Variants in NBEAL1 observed in about 807,000 individuals in gnomAD.
NBEAL1 encodes the protein neurobeachin like 1.
Under a neutral mutation model 351.3 loss-of-function variants are expected in NBEAL1, and 273 were observed. The ratio of observed to expected loss-of-function variants is 0.78; its 90% confidence interval spans 0.70 to 0.86. The LOEUF (loss-of-function observed/expected upper bound fraction) is 0.86. NBEAL1 is among the 40% of genes least tolerant of loss of function. The pLI is 0.00. For synonymous variants in NBEAL1, 1,050 were observed against 1,086.4 expected (o/e 0.97, Z 0.66); for missense variants, 2,961 against 3,201.3 (o/e 0.92, Z 1.81).
chr2:203,207,652 T>C (rs1441923931), intron 51 of NBEAL1, among the ~76,000 whole-genome samples: 2 of 152,200 alleles, frequency 1.3e-5, no homozygotes, highest in Non-Finnish European at 2.9e-5. Flanking sequence ...CTGTGTCCAC[T>C]CAGGGTTAAA....
intron 2 of NBEAL1, among the ~76,000 whole-genome samples, chr2:203,017,846 TCTC>T (rs940734414): frequency 1.4e-4 from 22 of 152,176 alleles, no homozygotes; most frequent in Admixed American, 1.3e-3. Context: ...ATGCATCCCT[TCTC>T]CTTTGAAATG....
intron 11 of NBEAL1, among the ~76,000 whole-genome samples, chr2:203,099,206 G>A (rs1307348750): frequency 6.6e-6 from 1 of 151,602 alleles, no homozygotes; most frequent in African/African-American, 2.4e-5. Context: ...AACCTGGGAG[G>A]CGGAGGTTGC....
intron 10 of NBEAL1, among the ~76,000 whole-genome samples, chr2:203,094,946 A>G (rs1472150798): frequency 6.6e-6 from 1 of 151,928 alleles, no homozygotes; most frequent in African/African-American, 2.4e-5. Context: ...ACATGGTGAA[A>G]CCCCATCTCT....
At chr2:203,168,658 G>A (rs750875026) in intron 38 of NBEAL1, among the ~76,000 whole-genome samples, 1 of 152,044 alleles carries the variant, frequency 6.6e-6, no homozygotes, top group Non-Finnish European at 1.5e-5. Flanking sequence ...CACTTTGGGA[G>A]GCCAAGGTGG....
chr2:203,183,594 A>G (rs545415285), intron 44 of NBEAL1, among the ~76,000 whole-genome samples: 6 of 150,080 alleles, frequency 4.0e-5, no homozygotes, highest in Non-Finnish European at 7.4e-5. Context: ...CCATGAATAA[A>G]TATATATATA....
At position 203,084,539 on chromosome 2, in the gene NBEAL1, A is replaced by T. The variant is rs1483154516; in HGVS notation, c.1068A>T (p.Glu356Asp). 4 of 1,541,800 alleles carry T rather than the reference A, an allele frequency of 2.6e-6. No individual in the cohort carries two copies. Among genetic ancestry groups the T allele is most frequent in the Non-Finnish European group, 3.5e-6 (4 of 1,141,616 alleles). Residue 356 changes from glutamate (E) to aspartate (D), a missense_variant, in exon 10 of 56, where the codon GAA (glutamate) becomes GAT (aspartate). Physicochemically the swap from Glu to Asp is conservative, Grantham distance 45. Coordinates refer to ENST00000683969, the MANE Select transcript of NBEAL1 (RefSeq NM_001378026.1). Reference protein sequence around the residue: ...QAIFLNSNCFEHLIRLLQNCK... With the variant: ...QAIFLNSNCFDHLIRLLQNCK... The stretch of plus-strand genomic sequence containing the variant: ...TTTTTCTTAACAGCAATTGCTTTGA[A>T]CATCTCATACGACTGCTACAGAACT...
intron 48 of NBEAL1, 71 bp downstream of exon 48, chr2:203,197,462 A>T (rs529681202): frequency 3.5e-6 from 4 of 1,150,036 alleles, no homozygotes; most frequent in Non-Finnish European, 1.3e-6. Flanking sequence ...AAGAGGAAAT[A>T]AATATTTTTT....
At chr2:203,180,536 T>A (rs2064678926) in intron 43 of NBEAL1, 24 bp downstream of exon 43, 1 of 1,587,732 alleles carries the variant, frequency 6.3e-7, no homozygotes, top group Admixed American at 1.7e-5. Flanking sequence ...GATTAAAAAT[T>A]TGACTAGCAG....
intron 36 of NBEAL1, among the ~76,000 whole-genome samples, chr2:203,159,141 A>G (rs1246533336): frequency 1.3e-5 from 2 of 152,240 alleles, no homozygotes; most frequent in African/African-American, 4.8e-5. Context: ...TAGTATTTCT[A>G]ATAAGGAAGG....
At position 203,041,792 on chromosome 2, in the gene NBEAL1, T is replaced by C; in HGVS notation, c.79T>C (p.Leu27=). 2.6e-6 allele frequency: 4 copies of C among 1,553,868 alleles called. No individual in the cohort carries two copies. The highest frequency in any genetic ancestry group is 3.5e-6 in the Non-Finnish European group (4 of 1,147,468). The change falls in exon 3 of 56, where the codon TTG becomes CTG. Residue 27 remains leucine (L), a synonymous_variant. Coordinates refer to ENST00000683969, the MANE Select transcript of NBEAL1 (RefSeq NM_001378026.1). ...AGATCCAGATTACCTGAAGCTGTGG[T>C]TGGACACTTTTGTTTCTAGCTATGA... The part of the protein sequence containing the change: ...KKDPDYLKLW[L]DTFVSSYEQF...
At chr2:203,043,683 C>T (rs564923980) in intron 3 of NBEAL1, among the ~76,000 whole-genome samples, 4 of 149,332 alleles carry the variant, frequency 2.7e-5, no homozygotes, top group South Asian at 2.1e-4. Flanking sequence ...GTGCTGTGAT[C>T]GTGCCACTGC....
intron 4 of NBEAL1, chr2:203,050,187 C>A (rs541331142): frequency 9.1e-5 from 32 of 353,128 alleles, no homozygotes; most frequent in Admixed American, 7.8e-4. Flanking sequence ...TGTAACAAAC[C>A]TGCACATTCT....
intron 54 of NBEAL1, among the ~76,000 whole-genome samples, chr2:203,211,914 G>T (rs2065798574): frequency 6.6e-6 from 1 of 152,038 alleles, no homozygotes; most frequent in Non-Finnish European, 1.5e-5. Flanking sequence ...TTGAGACCTA[G>T]TCTTGCTCTG....
Position 203,138,668 on chromosome 2 carries a change from T to C in NBEAL1, c.4768T>C (p.Ser1590Pro). The C allele has an allele frequency of 6.2e-7, 1 of 1,613,228 alleles. No homozygotes were observed. ...CTTTGACTGTCTGTCAGTCTGCTAT[T>C]CTGAAAGTCCAGTATGGGTAAAACT... The part of the protein sequence containing the change: ...LLFDCLSVCY[S>P]ESPVWVKLSQ... The change falls in exon 31 of 56, where the codon TCT becomes CCT. Residue 1590 changes from serine to proline, a missense_variant. Coordinates refer to ENST00000683969, the MANE Select transcript of NBEAL1 (RefSeq NM_001378026.1).
intron 34 of NBEAL1, among the ~76,000 whole-genome samples, chr2:203,150,737 A>T (rs1230051110): frequency 6.6e-6 from 1 of 152,054 alleles, no homozygotes; most frequent in Non-Finnish European, 1.5e-5. Context: ...TTGCAATTAT[A>T]TTGCCTTTAT....
chr2:203,130,409 CT>C lies in NBEAL1; in HGVS notation c.3498del (p.Asp1167ThrfsTer8). On this transcript the variant is annotated frameshift_variant, in exon 25 of 56. Transcript: ENST00000683969. LOFTEE classifies it high-confidence loss of function. ...LFLLLFEPGN[A>X]DILYALLLNQ... The stretch of plus-strand genomic sequence containing the variant: ...TTACTGCTTTTTGAACCAGGAAATG[CT>C]GACATACTGTACGCATTGCTCTTAA... 2 of 1,533,138 alleles carry C rather than the reference CT, an allele frequency of 1.3e-6. No individual in the cohort carries two copies. The highest frequency in any genetic ancestry group is 1.8e-6 in the Non-Finnish European group (2 of 1,140,358). The allele number at this position is 1,533,138 out of a possible 1,614,324, so 95.0% of individuals were successfully genotyped here.
chr2:203,201,578 G>A lies in NBEAL1; in HGVS notation c.7274G>A (p.Gly2425Glu), dbSNP rs760475142. ...AGTATAAATGGTTCTTTTGCTCCCG[G>A]GCTAGAGATCACTTCTAAGCTATTT... is the stretch of plus-strand genomic sequence containing the variant. ...QRSINGSFAPGLEITSKLFVV... is the reference protein window; with the variant it reads ...QRSINGSFAPELEITSKLFVV... Residue 2425 changes from glycine to glutamate, a missense_variant, in exon 50 of 56, where the codon GGG (glycine) becomes GAG (glutamate). Transcript: ENST00000683969. 6.2e-7 allele frequency: 1 copy of A among 1,602,140 alleles called. No individual in the cohort carries two copies. The highest frequency in any genetic ancestry group is 8.5e-7 in the Non-Finnish European group (1 of 1,173,994).
In NBEAL1 at chr2:203,083,282, T is replaced by TG; in HGVS notation, c.749dup (p.Cys250TrpfsTer2). The TG allele has an allele frequency of 6.4e-7, 1 of 1,552,650 alleles. No homozygotes were observed. The highest frequency in any genetic ancestry group is 8.7e-7 in the Non-Finnish European group (1 of 1,147,248). On this transcript the variant is annotated frameshift_variant, in exon 9 of 56. Transcript: ENST00000683969. LOFTEE classifies it high-confidence loss of function. ...AGTTCTTATGCGAGTATTGGCAGATTGTGATTCCTGGGAGGATGGAGATCC... is the reference window on the plus strand; with the variant it reads ...AGTTCTTATGCGAGTATTGGCAGATTGGTGATTCCTGGGAGGATGGAGATCC...
intron 3 of NBEAL1, among the ~76,000 whole-genome samples, chr2:203,047,394 G>T (rs2061246593): frequency 6.6e-6 from 1 of 152,100 alleles, no homozygotes; most frequent in African/African-American, 2.4e-5. Context: ...AATATTAACA[G>T]AATATTAAAT....
Sources: gnomAD v4.1 joint callset for allele counts (sites outside exome capture counted in the v4.1 genomes callset) on GRCh38, gnomAD v4.1.1 for gene constraint, MANE v1.5 for transcripts, NCBI Gene and HGNC (gene_info 2026-07-23, HGNC 2026-07-21) for gene names.